The following GSE1 variants were observed in gnomAD, a reference collection of about 807,000 sequenced individuals.
GSE1 encodes genetic suppressor element 1.
A neutral mutation model predicts 112.6 loss-of-function variants in GSE1; 32 were observed. The ratio of observed to expected loss-of-function variants is 0.28; its 90% CI spans 0.21 to 0.38. The LOEUF (loss-of-function observed/expected upper bound fraction) is 0.38, where lower values mean the gene tolerates loss of function less well. Ranked by LOEUF, GSE1 falls within the 10% of genes least tolerant of loss-of-function variation. The pLI is 1.00. For synonymous variants in GSE1, 1,115 were observed against 735.6 expected (o/e 1.52, Z -8.35); for missense variants, 2,348 against 1,699.2 (o/e 1.38, Z -6.71).
intron 12 of GSE1, 146 bp from the exon 13 acceptor site, chr16:85,665,830 G>A (rs1030085043): frequency 7.2e-6 from 5 of 693,226 alleles, no homozygotes; most frequent in African/African-American, 3.6e-5. Flanking sequence ...CCATGTGCGC[G>A]GCGGTTACTT....
At chr16:85,318,350 A>G (rs1011254709) in intron 1 of GSE1, among the ~76,000 whole-genome samples, 1 of 152,114 alleles carries the variant, frequency 6.6e-6, no homozygotes. Context: ...TGCAGCCTCA[A>G]CCTCCTGGGG....
At chr16:85,312,806 G>T (rs2045890480) in intron 1 of GSE1, among the ~76,000 whole-genome samples, 1 of 151,918 alleles carries the variant, frequency 6.6e-6, no homozygotes, top group Non-Finnish European at 1.5e-5. Flanking sequence ...GGAGGAGGAG[G>T]AGGTCTCGTC....
chr16:85,649,067 G>C (rs1388522891), intron 3 of GSE1, among the ~76,000 whole-genome samples: 1 of 152,158 alleles, frequency 6.6e-6, no homozygotes, highest in Non-Finnish European at 1.5e-5. Context: ...TTTCCCCAGA[G>C]GCCTCTCCTG....
intron 1 of GSE1, among the ~76,000 whole-genome samples, chr16:85,557,661 A>C (rs1212354037): frequency 6.6e-6 from 1 of 151,200 alleles, no homozygotes; most frequent in Non-Finnish European, 1.5e-5. Flanking sequence ...GTGGGGCAGG[A>C]AGGGGCCTGG....
chr16:85,438,705 G>A (rs1252905630), intron 2 of GSE1, among the ~76,000 whole-genome samples: 1 of 152,202 alleles, frequency 6.6e-6, no homozygotes, highest in Non-Finnish European at 1.5e-5. Flanking sequence ...CTGCTTGAGC[G>A]AGTGATCGCT....
At chr16:85,613,136 C>G (rs977069002), upstream of GSE1, 8 of 1,254,678 alleles carry the variant, frequency 6.4e-6, no homozygotes, top group African/African-American at 1.1e-4. Flanking sequence ...GGCTGAAACC[C>G]GACACCTCCC....
chr16:85,415,597 A>G (rs1005850398), intron 2 of GSE1, among the ~76,000 whole-genome samples: 1 of 152,214 alleles, frequency 6.6e-6, no homozygotes, highest in Non-Finnish European at 1.5e-5. Flanking sequence ...ACCCTTCTAC[A>G]GCAGCTGGCC....
chr16:85,452,767 G>A (rs1307028425), intron 2 of GSE1, among the ~76,000 whole-genome samples: 3 of 152,226 alleles, frequency 2.0e-5, no homozygotes, highest in Non-Finnish European at 4.4e-5. Flanking sequence ...GCAGAACTCC[G>A]GGTGTCTTTC....
At chr16:85,194,602 G>A (rs1191803109) in intron 1 of GSE1, among the ~76,000 whole-genome samples, 1 of 152,146 alleles carries the variant, frequency 6.6e-6, no homozygotes, top group African/African-American at 2.4e-5. Flanking sequence ...CTAATGACTC[G>A]AGTGTTGGGA....
intron 2 of GSE1, among the ~76,000 whole-genome samples, chr16:85,448,241 C>G (rs1178238153): frequency 6.6e-6 from 1 of 152,172 alleles, no homozygotes; most frequent in Non-Finnish European, 1.5e-5. Context: ...TGGAAACATA[C>G]CTGGGCCCAA....
At chr16:85,637,316 G>A (rs927951955) in intron 2 of GSE1, among the ~76,000 whole-genome samples, 1 of 152,242 alleles carries the variant, frequency 6.6e-6, no homozygotes, top group Non-Finnish European at 1.5e-5. Flanking sequence ...TGGGCCATCT[G>A]CGGCGTGACA....
chr16:85,605,019 G>A lies in GSE1; in HGVS notation c.38-43533G>A, dbSNP rs188584645. On this transcript the variant is annotated intron_variant, in intron 1 of 2. Transcript: ENST00000635906. ...TTTTTAGTAGAGATGGGGTTTCACCGTGTTAGCCAGGATGGTCTCGATCTC... is the reference window on the plus strand; with the variant it reads ...TTTTTAGTAGAGATGGGGTTTCACCATGTTAGCCAGGATGGTCTCGATCTC... Among the ~76,000 whole-genome samples, 780 of 148,244 alleles carry A rather than the reference G, an allele frequency of 5.3e-3. 15 individuals carry two copies. The highest frequency in any genetic ancestry group is 0.019 in the African/African-American group (736 of 39,780).
At chr16:85,227,356 G>A (rs183025776) in intron 1 of GSE1, among the ~76,000 whole-genome samples, 7 of 152,194 alleles carry the variant, frequency 4.6e-5, no homozygotes, top group East Asian at 3.8e-4. Context: ...CTCTTCTCAC[G>A]GACCTCAACG....
intron 1 of GSE1, among the ~76,000 whole-genome samples, chr16:85,237,386 G>A (rs867786362): frequency 6.6e-6 from 1 of 152,186 alleles, no homozygotes; most frequent in African/African-American, 2.4e-5. Flanking sequence ...ACACCTGGTA[G>A]AGGAGGTGTG....
intron 1 of GSE1, among the ~76,000 whole-genome samples, chr16:85,183,051 A>G (rs569467985): frequency 5.5e-4 from 84 of 152,058 alleles, no homozygotes; most frequent in African/African-American, 2.0e-3. Context: ...TCCCGTGCAC[A>G]CTCATACACT....
At chr16:85,386,398 A>G (rs1034664176) in intron 2 of GSE1, among the ~76,000 whole-genome samples, 1 of 152,204 alleles carries the variant, frequency 6.6e-6, no homozygotes, top group African/African-American at 2.4e-5. Context: ...AGTTTCCCCC[A>G]TAGGCAAAAT....
intron 1 of GSE1, among the ~76,000 whole-genome samples, chr16:85,301,313 C>T (rs1436152080): frequency 6.6e-6 from 1 of 152,224 alleles, no homozygotes; most frequent in Non-Finnish European, 1.5e-5. Context: ...GAGCTGCCTT[C>T]ACTGGGAGAC....
rs1180077595 is a variant in GSE1 at position 85,311,059 on chromosome 16, C to A, written c.2284-46404C>A. On this transcript the variant is annotated intron_variant, in intron 1 of 2. Transcript: ENST00000637419. This position sits in a 1 kb window ranked among gnomAD's most constrained non-coding sequence, Gnocchi z 4.2. ...CCGTCAGCAATGGCCATGGCTCTGTCAAGAAGGATTATCTCGTCCTCCAGC... is the reference window on the plus strand; with the variant it reads ...CCGTCAGCAATGGCCATGGCTCTGTAAAGAAGGATTATCTCGTCCTCCAGC... Among the ~76,000 whole-genome samples the A allele has an allele frequency of 6.6e-6, 1 of 152,216 alleles. No individual in the cohort carries two copies. Among genetic ancestry groups the A allele is most frequent in the African/African-American group, 2.4e-5 (1 of 41,462 alleles).
chr16:85,434,341 T>TC (rs1468234989), intron 2 of GSE1, among the ~76,000 whole-genome samples: 7,166 of 125,776 alleles, frequency 0.057, 214 homozygotes, highest in African/African-American at 0.09. Flanking sequence ...ATAATAATAA[T>TC]AATAATCAGT....
Sources: gnomAD v4.1 joint callset for allele counts (sites outside exome capture counted in the v4.1 genomes callset) on GRCh38, gnomAD v4.1.1 for gene constraint, Gnocchi (gnomAD v3.1) non-coding constraint, MANE v1.5 for transcripts, NCBI Gene and HGNC (gene_info 2026-07-23, HGNC 2026-07-21) for gene names.